Variants in EFR3A observed in about 807,000 individuals in gnomAD.
The protein encoded by EFR3A is EFR3 homolog A.
In EFR3A, 76 loss-of-function variants were observed where a neutral mutation model predicts 104.4. The ratio of observed to expected loss-of-function variants is 0.73; its 90% confidence interval spans 0.60 to 0.88. The LOEUF is 0.88. Among genes scored for constraint, EFR3A ranks in the 40% least tolerant of loss-of-function variants. The probability of loss-of-function intolerance (pLI) is 0.00; values close to 1 mark genes in which losing one functional copy is unlikely to be tolerated. For synonymous variants in EFR3A, 330 were observed against 330.0 expected (o/e 1.00, Z 0.00); for missense variants, 985 against 1,012.5 (o/e 0.97, Z 0.37).
intron 2 of EFR3A, among the ~76,000 whole-genome samples, chr8:131,944,437 A>T (rs1288287716): frequency 6.6e-6 from 1 of 152,092 alleles, no homozygotes; most frequent in African/African-American, 2.4e-5. Flanking sequence ...TTTGTTTGAA[A>T]TCTTTTTACA....
intron 18 of EFR3A, among the ~76,000 whole-genome samples, chr8:131,995,418 G>A (rs1048049147): frequency 2.6e-5 from 4 of 152,118 alleles, no homozygotes; most frequent in African/African-American, 7.2e-5. Context: ...TAAGCTGCAC[G>A]GGATGTGTAA....
intron 7 of EFR3A, among the ~76,000 whole-genome samples, chr8:131,956,452 G>A (rs569922665): frequency 5.3e-5 from 8 of 152,292 alleles, no homozygotes; most frequent in African/African-American, 1.7e-4. Flanking sequence ...TCTCCACATA[G>A]ATATGGTCTC....
chr8:131,949,752 T>C (rs1348816933), intron 4 of EFR3A, among the ~76,000 whole-genome samples: 1 of 145,240 alleles, frequency 6.9e-6, no homozygotes, highest in Non-Finnish European at 1.5e-5. Context: ...AATTCAAGGC[T>C]CAGTGAGCTA....
At chr8:131,930,733 A>G (rs1817553274) in intron 1 of EFR3A, among the ~76,000 whole-genome samples, 1 of 152,090 alleles carries the variant, frequency 6.6e-6, no homozygotes. Flanking sequence ...CACAAATACC[A>G]GCTCCCTGTT....
chr8:131,918,779 G>T (rs990566924), intron 1 of EFR3A, among the ~76,000 whole-genome samples: 4 of 152,132 alleles, frequency 2.6e-5, no homozygotes, highest in African/African-American at 9.7e-5. Flanking sequence ...CACTCCTACA[G>T]ATTTAACACT....
At chr8:131,921,855 G>T (rs1817046055) in intron 1 of EFR3A, among the ~76,000 whole-genome samples, 1 of 152,092 alleles carries the variant, frequency 6.6e-6, no homozygotes, top group Non-Finnish European at 1.5e-5. Context: ...GTTTCAGAAT[G>T]GTACATATCT....
At position 131,970,655 on chromosome 8, in the gene EFR3A, T is replaced by A. The variant is rs1465274774; in HGVS notation, c.1159+12T>A. On this transcript the variant is annotated intron_variant, in intron 10 of 22. Coordinates refer to ENST00000254624, the MANE Select transcript of EFR3A (RefSeq NM_015137.6). ...CATCCAAACAATAGGTGAGTACATT[T>A]CACTTTTCAAAACTATCATGTAAAA... The A allele has an allele frequency of 1.1e-5, 17 of 1,607,612 alleles. No individual in the cohort carries two copies. Among genetic ancestry groups the A allele is most frequent in the Admixed American group, 1.7e-5 (1 of 58,794 alleles).
At position 132,011,254 on chromosome 8, in the gene EFR3A, A is replaced by G. The variant is rs1822330690; in HGVS notation, c.*359A>G. ...AGGATTGAAACTGTATAAATTGTTT[A>G]TCTCTTAAACATCTACACAGCCGCT... On this transcript the variant is annotated 3_prime_UTR_variant, in exon 23 of 23. Transcript: ENST00000254624. 3.0e-6 allele frequency: 3 copies of G among 993,100 alleles called. No individual in the cohort carries two copies. The highest frequency in any genetic ancestry group is 2.4e-6 in the Non-Finnish European group (2 of 834,490). The allele number at this position is 993,100 out of a possible 1,614,324, so 61.5% of individuals were successfully genotyped here.
chr8:131,980,689 T>C (rs1820564720), intron 14 of EFR3A, among the ~76,000 whole-genome samples: 1 of 152,138 alleles, frequency 6.6e-6, no homozygotes, highest in Admixed American at 6.6e-5. Context: ...ACTCTCTTAG[T>C]TATTTTGAAA....
intron 22 of EFR3A, among the ~76,000 whole-genome samples, chr8:132,003,858 A>G (rs559588137): frequency 3.9e-4 from 59 of 152,344 alleles, no homozygotes; most frequent in Non-Finnish European, 6.6e-4. Flanking sequence ...TCTAGGTTCC[A>G]TCTAAAGAAG....
At chr8:132,006,145 T>A (rs1429968979) in intron 22 of EFR3A, among the ~76,000 whole-genome samples, 2 of 152,092 alleles carry the variant, frequency 1.3e-5, no homozygotes, top group Middle Eastern at 3.2e-3. Flanking sequence ...AGAAGAGAGA[T>A]CTGAAAGCAG....
At chr8:131,999,284 C>T (rs1244076902) in intron 19 of EFR3A, among the ~76,000 whole-genome samples, 1 of 151,900 alleles carries the variant, frequency 6.6e-6, no homozygotes, top group Non-Finnish European at 1.5e-5. Flanking sequence ...CCTTTTTTCC[C>T]CAAATGCAAC....
At chr8:131,983,745 T>G (rs1319662279) in intron 14 of EFR3A, among the ~76,000 whole-genome samples, 1 of 152,148 alleles carries the variant, frequency 6.6e-6, no homozygotes, top group Non-Finnish European at 1.5e-5. Context: ...ACATTTCCTC[T>G]CAGTACAATA....
intron 14 of EFR3A, among the ~76,000 whole-genome samples, chr8:131,980,483 CTAAT>C (rs1173979514): frequency 6.6e-6 from 1 of 151,970 alleles, no homozygotes; most frequent in Non-Finnish European, 1.5e-5. Flanking sequence ...TATCACCTAA[CTAAT>C]GAATTCTGCA....
intron 1 of EFR3A, chr8:131,935,562 A>C (rs2130525551): frequency 4.7e-6 from 2 of 426,220 alleles, no homozygotes; most frequent in East Asian, 1.5e-4. Context: ...GTTACATGTG[A>C]GAATTAAATG....
intron 3 of EFR3A, 102 bp downstream of exon 3, chr8:131,944,974 A>ATT: frequency 8.0e-7 from 1 of 1,252,874 alleles, no homozygotes; most frequent in Non-Finnish European, 1.1e-6. Flanking sequence ...GACAAAGATA[A>ATT]TATATAGAGG....
At chr8:131,972,065 G>A (rs999726236) in intron 10 of EFR3A, among the ~76,000 whole-genome samples, 1 of 152,028 alleles carries the variant, frequency 6.6e-6, no homozygotes, top group Non-Finnish European at 1.5e-5. Flanking sequence ...ATGTTCTATT[G>A]TAAGCAGGGG....
At chr8:131,919,611 A>G (rs1816905567) in intron 1 of EFR3A, among the ~76,000 whole-genome samples, 1 of 151,702 alleles carries the variant, frequency 6.6e-6, no homozygotes, top group African/African-American at 2.4e-5. Flanking sequence ...AAAAAAAAAA[A>G]AAAAAAATTT....
intron 8 of EFR3A, among the ~76,000 whole-genome samples, chr8:131,965,977 C>T (rs780575779): frequency 8.2e-4 from 124 of 152,038 alleles, no homozygotes; most frequent in Non-Finnish European, 1.5e-3. Flanking sequence ...AACCAAACAC[C>T]GCATGTTCTC....
Sources: gnomAD v4.1 joint callset for allele counts (sites outside exome capture counted in the v4.1 genomes callset) on GRCh38, gnomAD v4.1.1 for gene constraint, MANE v1.5 for transcripts, NCBI Gene and HGNC (gene_info 2026-07-23, HGNC 2026-07-21) for gene names.